The following AKAP9 variants were observed in gnomAD, a reference collection of about 807,000 sequenced individuals.
AKAP9 encodes the protein A-kinase anchor protein 9.
A neutral mutation model predicts 488.5 loss-of-function variants in AKAP9; 311 were observed. The ratio of observed to expected loss-of-function variants is 0.64; its 90% CI spans 0.58 to 0.70. AKAP9 has a LOEUF of 0.70. Ranked by LOEUF, AKAP9 falls within the 30% of genes least tolerant of loss-of-function variation. AKAP9 has a pLI of 0.00. For missense variants in AKAP9, 4,215 were observed against 4,374.5 expected, an observed-to-expected ratio of 0.96 and a Z score of 1.03; for synonymous variants, 1,462 against 1,483.5, an observed-to-expected ratio of 0.99 and a Z score of 0.33.
intron 1 of AKAP9, among the ~76,000 whole-genome samples, chr7:91,973,401 A>T (rs1795314600): frequency 6.6e-6 from 1 of 152,088 alleles, no homozygotes; most frequent in African/African-American, 2.4e-5. Flanking sequence ...TCTTGGTGAG[A>T]TTATATTCTC....
chr7:92,045,008 G>A lies in AKAP9; in HGVS notation c.5163G>A (p.Arg1721=), dbSNP rs1806730582. The stretch of plus-strand genomic sequence containing the variant: ...AATCAGTGCTTCTTTATCTATACAG[G>A]TATGCACTCCAGAAAGCTAATAATA... ...DVPPEILSNE[R]YALQKANNRL... The change falls in exon 21 of 50, where the codon AGG becomes AGA. Residue 1721 remains arginine, a splice_region_variant and synonymous_variant. Transcript: ENST00000356239. 1 of 1,602,748 alleles carries A rather than the reference G, an allele frequency of 6.2e-7. No homozygotes were observed.
intron 37 of AKAP9, 75 bp downstream of exon 37, chr7:92,086,491 A>C (rs1814590360): frequency 8.0e-7 from 1 of 1,247,694 alleles, no homozygotes; most frequent in Admixed American, 1.7e-5. Flanking sequence ...GTCTTAATTT[A>C]AGTATGAAGG....
Position 92,038,664 on chromosome 7 carries a change from TTTA to T in AKAP9, c.4589_4591del (p.Leu1530del). The T allele has an allele frequency of 1.2e-6, 2 of 1,610,482 alleles. No homozygotes were observed. The highest frequency in any genetic ancestry group is 1.7e-6 in the Non-Finnish European group (2 of 1,178,360). ...AGTTAGGAGAACATGGAAAGGAAAT[TTTA>T]TTATCAAATAGTGATCCCCATGATA... is the stretch of plus-strand genomic sequence containing the variant. On this transcript the variant is annotated inframe_deletion, in exon 17 of 50. Coordinates refer to ENST00000356239, the MANE Select transcript of AKAP9 (RefSeq NM_005751.5).
At chr7:92,083,679 T>TG in intron 33 of AKAP9, 24 bp downstream of exon 33, 1 of 1,603,856 alleles carries the variant, frequency 6.2e-7, no homozygotes. Context: ...ATAATATGTG[T>TG]TTTTCAACAT....
chr7:91,982,356 G>A (rs1453179439), intron 3 of AKAP9, among the ~76,000 whole-genome samples: 3 of 150,510 alleles, frequency 2.0e-5, no homozygotes, highest in Non-Finnish European at 3.0e-5. Context: ...CCCACCCCTC[G>A]ACAGGCCCCC....
rs542223871 is a variant in AKAP9, at chr7:91,940,980, G to A, written c.-120G>A. The A allele has an allele frequency of 8.6e-5, 92 of 1,066,940 alleles. No individual in the cohort carries two copies. The South Asian group carries it at 1.1e-3, about 13-fold the overall frequency. 66.1% of individuals were successfully genotyped at this position (1,066,940 alleles called of 1,614,324 possible). A position where few individuals can be genotyped will look rare whatever the true frequency, so the allele number is the denominator to read the frequency against. ...TTCCACTTCGGGCGGGGGAGCGCCG[G>A]ACCGAATCGGCTCTCTAGGCCGTGG... On this transcript the variant is annotated 5_prime_UTR_variant, in exon 1 of 50. Coordinates refer to ENST00000356239, the MANE Select transcript of AKAP9 (RefSeq NM_005751.5).
At position 92,070,191 on chromosome 7, in the gene AKAP9, A is replaced by G. The variant is rs1446612715; in HGVS notation, c.6492A>G (p.Ala2164=). The G allele has an allele frequency of 1.2e-6, 2 of 1,614,038 alleles. No individual in the cohort carries two copies. The highest frequency in any genetic ancestry group is 4.5e-5 in the East Asian group (2 of 44,860). The stretch of plus-strand genomic sequence containing the variant: ...TGGAGCAGGCGCTTCTTGTGAGTGC[A>G]GATACTTTTCAAAAGGTGTGGCATT... ...RELEQALLVS[A]DTFQKVEDRK... Residue 2164 remains alanine, a synonymous_variant, in exon 27 of 50, where the codon GCA becomes GCG. Coordinates refer to ENST00000356239, the MANE Select transcript of AKAP9 (RefSeq NM_005751.5).
At chr7:92,069,299 T>C (rs1176962813) in intron 26 of AKAP9, among the ~76,000 whole-genome samples, 1 of 152,232 alleles carries the variant, frequency 6.6e-6, no homozygotes, top group African/African-American at 2.4e-5. Flanking sequence ...GTTGTGCCAT[T>C]AGATAATTCA....
chr7:92,108,759 TAA>T (rs1818923828), intron 49 of AKAP9, 126 bp downstream of exon 49: 3 of 1,144,570 alleles, frequency 2.6e-6, no homozygotes, highest in Non-Finnish European at 3.9e-6. Flanking sequence ...AGCTAATTAT[TAA>T]GTTAGCCAAA....
intron 48 of AKAP9, 142 bp from the exon 49 acceptor site, chr7:92,108,352 G>C (rs1818867420): frequency 3.8e-6 from 3 of 791,398 alleles, no homozygotes; most frequent in Non-Finnish European, 6.6e-6. Flanking sequence ...CTCATCCCAA[G>C]CTCCAAAGCT....
At chr7:92,007,274 T>G (rs1279593785) in intron 8 of AKAP9, among the ~76,000 whole-genome samples, 1 of 142,546 alleles carries the variant, frequency 7.0e-6, no homozygotes, top group Admixed American at 7.4e-5. Flanking sequence ...GCATGAGAAC[T>G]GAAATTCTTT....
Position 92,012,973 on chromosome 7 carries a change from ATTTTTTTTTTTTTTT to A in AKAP9, c.3532+353_3532+367del, listed in dbSNP as rs749688986. Among the ~76,000 whole-genome samples, 170 of 60,756 alleles carry A rather than the reference ATTTTTTTTTTTTTTT, an allele frequency of 2.8e-3. 1 individual carries two copies. The highest frequency in any genetic ancestry group is 4.2e-3 in the Non-Finnish European group (138 of 33,092). The allele number at this position is 60,756 out of a possible 152,430, so 39.9% of individuals were successfully genotyped here. A position where few individuals can be genotyped will look rare whatever the true frequency, so the allele number is the denominator to read the frequency against. On this transcript the variant is annotated intron_variant, in intron 9 of 49. Transcript: ENST00000356239. Reference sequence around the variant, plus strand: ...GGTGGTAGACAGTGGTGGGGTTGGAATTTTTTTTTTTTTTTTTTTTTTTTTTTTTTTTTTTTGAGA... The same window carrying A: ...GGTGGTAGACAGTGGTGGGGTTGGAATTTTTTTTTTTTTTTTTTTTTGAGA...
At chr7:91,987,905 C>T (rs932440711) in intron 3 of AKAP9, among the ~76,000 whole-genome samples, 1 of 152,050 alleles carries the variant, frequency 6.6e-6, no homozygotes, top group Admixed American at 6.5e-5. Context: ...GGCATAGTAG[C>T]TCACACCTGT....
At chr7:92,094,131 G>C (rs1478667488) in intron 39 of AKAP9, among the ~76,000 whole-genome samples, 1 of 152,026 alleles carries the variant, frequency 6.6e-6, no homozygotes, top group Non-Finnish European at 1.5e-5. Flanking sequence ...GATTACAGGT[G>C]TGAGCCACCA....
In AKAP9 at chr7:92,028,113, C is replaced by G. The variant is rs571057837; in HGVS notation, c.4149-1782C>G. Among the ~76,000 whole-genome samples, 26 of 151,992 alleles carry G rather than the reference C, an allele frequency of 1.7e-4. No homozygotes were observed. The South Asian group carries it at 5.2e-3, about 30-fold the overall frequency. ...AGACAGCATGCTCGTTAAGAGTCAT[C>G]ACCACTCCCTAATCTCAAGTACCCA... On this transcript the variant is annotated intron_variant, in intron 14 of 49. Transcript: ENST00000356239.
chr7:91,987,084 G>A (rs1797191765), intron 3 of AKAP9, among the ~76,000 whole-genome samples: 1 of 152,058 alleles, frequency 6.6e-6, no homozygotes, highest in African/African-American at 2.4e-5. Flanking sequence ...ATCTTACCGT[G>A]TGGAATAAAC....
chr7:91,976,217 C>A (rs1346291388), intron 2 of AKAP9, among the ~76,000 whole-genome samples: 1 of 151,802 alleles, frequency 6.6e-6, no homozygotes, highest in Non-Finnish European at 1.5e-5. Flanking sequence ...GCCACTATGC[C>A]CATCCACTTA....
chr7:92,039,213 T>C (rs1805657929), intron 17 of AKAP9, among the ~76,000 whole-genome samples: 1 of 152,164 alleles, frequency 6.6e-6, no homozygotes, highest in Non-Finnish European at 1.5e-5. Context: ...CAGTTCACAC[T>C]GTTAATGTGT....
Position 91,973,730 on chromosome 7 carries a change from G to C in AKAP9, c.68G>C (p.Arg23Thr). 1 of 1,613,678 alleles carries C rather than the reference G, an allele frequency of 6.2e-7. No homozygotes were observed. The highest frequency in any genetic ancestry group is 8.5e-7 in the Non-Finnish European group (1 of 1,179,924). ...GKAKLAQFRQ[R>T]KAQSDGQSPS... The stretch of plus-strand genomic sequence containing the variant: ...TCTTAGCTTGCCCAGTTTCGACAAA[G>C]AAAAGCTCAGTCGGATGGGCAGAGT... Residue 23 changes from arginine (R) to threonine (T), a missense_variant, in exon 2 of 50, where the codon AGA becomes ACA. Arg to Thr is a moderately conservative substitution (Grantham distance 71). Coordinates refer to ENST00000356239, the MANE Select transcript of AKAP9 (RefSeq NM_005751.5).
Sources: gnomAD v4.1 joint callset for allele counts (sites outside exome capture counted in the v4.1 genomes callset) on GRCh38, gnomAD v4.1.1 for gene constraint, MANE v1.5 for transcripts, NCBI Gene and HGNC (gene_info 2026-07-23, HGNC 2026-07-21) for gene names.